SUGCT: variants seen among roughly 807,000 people sequenced by gnomAD.
SUGCT encodes succinyl-CoA:glutarate CoA-transferase.
A neutral mutation model predicts 55.0 loss-of-function variants in SUGCT; 41 were observed. The ratio of observed to expected loss-of-function variants is 0.74; its 90% confidence interval spans 0.58 to 0.97. The LOEUF is 0.97. SUGCT is among the 50% of genes least tolerant of loss of function. The probability of loss-of-function intolerance (pLI) is 0.00; values close to 1 mark genes in which losing one functional copy is unlikely to be tolerated. For missense variants in SUGCT, 568 were observed against 547.8 expected, an observed-to-expected ratio of 1.04 and a Z score of -0.37; for synonymous variants, 187 against 200.4, an observed-to-expected ratio of 0.93 and a Z score of 0.56.
intron 11 of SUGCT, among the ~76,000 whole-genome samples, chr7:40,495,363 G>C (rs1193341733): frequency 6.6e-6 from 1 of 151,768 alleles, no homozygotes; most frequent in Non-Finnish European, 1.5e-5. Context: ...TGTTTCACTA[G>C]CCCTTTCATA....
intron 9 of SUGCT, among the ~76,000 whole-genome samples, chr7:40,414,581 A>G (rs142940024): frequency 0.011 from 1,672 of 152,184 alleles, 11 homozygotes; most frequent in Non-Finnish European, 0.016. Context: ...CTAATTTTCT[A>G]TAATAATGGG....
chr7:40,777,989 G>A lies in SUGCT; in HGVS notation c.1153+28492G>A, dbSNP rs147453788. Among the ~76,000 whole-genome samples, 1,215 of 152,196 alleles carry A rather than the reference G, an allele frequency of 8.0e-3. 27 individuals carry two copies. The highest frequency in any genetic ancestry group is 0.027 in the African/African-American group (1,125 of 41,522). On this transcript the variant is annotated intron_variant, in intron 13 of 13. Coordinates refer to ENST00000335693, the MANE Select transcript of SUGCT (RefSeq NM_001193313.2). The stretch of plus-strand genomic sequence containing the variant: ...CAGCATATGCTTAGCCTAGCCCACA[G>A]CGGCCACCCCAGCAACGCCTCCCAC...
intron 12 of SUGCT, among the ~76,000 whole-genome samples, chr7:40,721,125 C>T (rs1786308483): frequency 6.6e-6 from 1 of 152,196 alleles, no homozygotes; most frequent in South Asian, 2.1e-4. Context: ...CAGCTCTCTT[C>T]ACTTTGAGAA....
chr7:40,969,898 G>A, the SUGCT span, among the ~76,000 whole-genome samples: 2 of 152,196 alleles, frequency 1.3e-5, no homozygotes, highest in African/African-American at 2.4e-5. Flanking sequence ...ATATTATCCT[G>A]TTATGGTGTT....
chr7:40,922,605 A>G, the SUGCT span, among the ~76,000 whole-genome samples: 4 of 152,194 alleles, frequency 2.6e-5, no homozygotes, highest in African/African-American at 9.6e-5. Flanking sequence ...GAAATCAACA[A>G]TGACTGTAGC....
chr7:40,440,145 G>GTTTTTTTTTTTTTTTT (rs138984553), intron 9 of SUGCT, among the ~76,000 whole-genome samples: 2 of 68,438 alleles, frequency 2.9e-5, no homozygotes, highest in African/African-American at 1.3e-4. Context: ...GTGTGTGTGT[G>GTTTTTTTTTTTTTTTT]TTTTTTTTTT....
At chr7:40,973,327 A>G in the SUGCT span, among the ~76,000 whole-genome samples, 1 of 152,242 alleles carries the variant, frequency 6.6e-6, no homozygotes, top group Non-Finnish European at 1.5e-5. Context: ...GCTTTTGTCA[A>G]ATAACAAAAT....
chr7:40,385,075 A>G (rs1479334080), intron 9 of SUGCT, among the ~76,000 whole-genome samples: 1 of 152,232 alleles, frequency 6.6e-6, no homozygotes, highest in East Asian at 1.9e-4. Flanking sequence ...ACGATTGTCA[A>G]TGATCATAAC....
chr7:40,389,546 T>C (rs1316051135), intron 9 of SUGCT, among the ~76,000 whole-genome samples: 1 of 152,196 alleles, frequency 6.6e-6, no homozygotes, highest in Non-Finnish European at 1.5e-5. Context: ...CAAACAATAA[T>C]AACTACAATT....
intron 9 of SUGCT, among the ~76,000 whole-genome samples, chr7:40,371,945 A>AACACACACACACACACAC (rs137960410): frequency 5.4e-5 from 8 of 147,708 alleles, no homozygotes; most frequent in African/African-American, 1.7e-4. Context: ...ATACATCTCG[A>AACACACACACACACACAC]ACACACACAC....
intron 8 of SUGCT, among the ~76,000 whole-genome samples, chr7:40,296,502 G>A (rs952342303): frequency 1.3e-5 from 2 of 152,004 alleles, no homozygotes; most frequent in Non-Finnish European, 2.9e-5. Context: ...ATTTTATATT[G>A]TAGTTATTAG....
At chr7:40,739,051 G>T (rs371703670) in intron 12 of SUGCT, among the ~76,000 whole-genome samples, 55 of 152,234 alleles carry the variant, frequency 3.6e-4, no homozygotes, top group African/African-American at 1.2e-3. Flanking sequence ...GAGAATTATA[G>T]ATTAACATGC....
At position 40,842,326 on chromosome 7, in the gene SUGCT, T is replaced by A. The variant is rs575333207; in HGVS notation, c.1154-17990T>A. On this transcript the variant is annotated intron_variant, in intron 13 of 13. Transcript: ENST00000335693. The stretch of plus-strand genomic sequence containing the variant: ...GAAAACAAATAATCATTTAAAAAAA[T>A]AACAAAAAATATGTTCTTCCAAGAA... Among the ~76,000 whole-genome samples, 4 of 152,190 alleles carry A rather than the reference T, an allele frequency of 2.6e-5. No homozygotes were observed. The South Asian group carries it at 8.3e-4, about 31-fold the overall frequency.
intron 13 of SUGCT, among the ~76,000 whole-genome samples, chr7:40,764,725 G>A (rs1317320582): frequency 6.6e-6 from 1 of 152,098 alleles, no homozygotes; most frequent in Non-Finnish European, 1.5e-5. Context: ...CATTGAACTG[G>A]CTAAGGAGTT....
chr7:40,701,460 G>C (rs527395371), intron 12 of SUGCT, among the ~76,000 whole-genome samples: 1 of 152,250 alleles, frequency 6.6e-6, no homozygotes, highest in African/African-American at 2.4e-5. Flanking sequence ...GCTGCTTCCA[G>C]GACCAGCCCT....
intron 6 of SUGCT, among the ~76,000 whole-genome samples, chr7:40,219,286 G>A (rs1467081350): frequency 1.3e-5 from 2 of 152,250 alleles, no homozygotes; most frequent in East Asian, 3.9e-4. Flanking sequence ...CACTCACCGC[G>A]AGGGTCCGCA....
the SUGCT span, among the ~76,000 whole-genome samples, chr7:40,889,700 G>C: frequency 6.6e-6 from 1 of 152,032 alleles, no homozygotes; most frequent in Non-Finnish European, 1.5e-5. Flanking sequence ...AACTTCCTTT[G>C]ACTTATTAAT....
intron 6 of SUGCT, among the ~76,000 whole-genome samples, chr7:40,234,928 A>G (rs1788926992): frequency 6.6e-6 from 1 of 152,196 alleles, no homozygotes; most frequent in Non-Finnish European, 1.5e-5. Flanking sequence ...AAAAAAGAAA[A>G]AAAAAAGAAA....
intron 12 of SUGCT, among the ~76,000 whole-genome samples, chr7:40,679,096 T>C (rs576318371): frequency 4.6e-5 from 7 of 152,344 alleles, no homozygotes; most frequent in Non-Finnish European, 7.3e-5. Flanking sequence ...GTTCAGGCCA[T>C]TGGGCTTCCC....
Sources: gnomAD v4.1 joint callset for allele counts (sites outside exome capture counted in the v4.1 genomes callset) on GRCh38, gnomAD v4.1.1 for gene constraint, MANE v1.5 for transcripts, NCBI Gene and HGNC (gene_info 2026-07-23, HGNC 2026-07-21) for gene names.